The following EPHA6 variants were observed in gnomAD, a reference collection of about 807,000 sequenced individuals.
The protein encoded by EPHA6 is EPH receptor A6.
A neutral mutation model predicts 112.0 loss-of-function variants in EPHA6; 50 were observed. The ratio of observed to expected loss-of-function variants is 0.45; its 90% CI spans 0.36 to 0.56. The LOEUF (loss-of-function observed/expected upper bound fraction) is 0.56. EPHA6 is among the 20% of genes least tolerant of loss of function. The pLI, the probability that EPHA6 is intolerant of heterozygous loss-of-function variation, is 0.00. For missense variants in EPHA6, 1,280 were observed against 1,417.4 expected (o/e 0.90, Z 1.56); for synonymous variants, 529 against 490.7 (o/e 1.08, Z -1.03).
intron 5 of EPHA6, among the ~76,000 whole-genome samples, chr3:97,402,579 T>A (rs1229342055): frequency 6.6e-6 from 1 of 152,136 alleles, no homozygotes. Flanking sequence ...GTCTTGTTTT[T>A]TTAAGCGGTC....
At chr3:96,903,961 G>A (rs901950957) in intron 2 of EPHA6, among the ~76,000 whole-genome samples, 5 of 152,126 alleles carry the variant, frequency 3.3e-5, no homozygotes, top group South Asian at 2.1e-4. Context: ...GAAACAACAG[G>A]TGCTGGAGAG....
At position 97,365,668 on chromosome 3, in the gene EPHA6, G is replaced by T. The variant is rs563561965; in HGVS notation, c.1607-39482G>T. ...CTCCTAAAGTGCTGGGATTACAGGC[G>T]TCAGCCACCGTGCCCAGCCAGGACA... is the stretch of plus-strand genomic sequence containing the variant. On this transcript the variant is annotated intron_variant, in intron 5 of 17. Transcript: ENST00000389672. 4.6e-5 allele frequency among the ~76,000 whole-genome samples: 7 copies of T among 152,206 alleles called. No homozygotes were observed. In the East Asian group the frequency reaches 1.2e-3, roughly 25 times the overall value.
intron 3 of EPHA6, among the ~76,000 whole-genome samples, chr3:97,120,920 T>C (rs187747086): frequency 4.6e-5 from 7 of 152,146 alleles, no homozygotes; most frequent in African/African-American, 1.4e-4. Context: ...AAACATTTAA[T>C]ATATGAAAAA....
In EPHA6 at chr3:97,187,656, A is replaced by C. The variant is rs185740224; in HGVS notation, c.1115-38608A>C. On this transcript the variant is annotated intron_variant, in intron 3 of 17. Transcript: ENST00000389672. ...AGAAAGAAAAAGAGAGAGAGAAAGA[A>C]AGAAAGGAAAGAAAGAAAGAGAAAG... is the stretch of plus-strand genomic sequence containing the variant. Among the ~76,000 whole-genome samples the C allele has an allele frequency of 2.4e-4, 33 of 138,692 alleles. 1 individual carries two copies. Among genetic ancestry groups the C allele is most frequent in the African/African-American group, 8.8e-4 (32 of 36,222 alleles). The allele number at this position is 138,692 out of a possible 152,430, so 91.0% of individuals were successfully genotyped here.
At chr3:97,560,996 A>G (rs541588167) in intron 11 of EPHA6, among the ~76,000 whole-genome samples, 2 of 152,100 alleles carry the variant, frequency 1.3e-5, no homozygotes, top group South Asian at 2.1e-4. Context: ...TACTATTATA[A>G]CAGTTTTGGG....
At chr3:97,342,841 C>T (rs772929533) in intron 5 of EPHA6, among the ~76,000 whole-genome samples, 2 of 152,150 alleles carry the variant, frequency 1.3e-5, no homozygotes, top group Non-Finnish European at 2.9e-5. Flanking sequence ...GACATACAGC[C>T]TCCAGAACTG....
At chr3:96,927,847 A>G (rs781610838) in intron 2 of EPHA6, among the ~76,000 whole-genome samples, 1 of 152,188 alleles carries the variant, frequency 6.6e-6, no homozygotes, top group Non-Finnish European at 1.5e-5. Context: ...CTATAAAGAT[A>G]CTACCTGAGA....
chr3:97,230,034 A>C (rs1426663442), intron 4 of EPHA6, among the ~76,000 whole-genome samples: 1 of 152,174 alleles, frequency 6.6e-6, no homozygotes, highest in Non-Finnish European at 1.5e-5. Flanking sequence ...ATAGTATTAT[A>C]TATAGTATGG....
chr3:97,408,918 C>G (rs1395149327), intron 6 of EPHA6, among the ~76,000 whole-genome samples: 1 of 152,082 alleles, frequency 6.6e-6, no homozygotes, highest in East Asian at 1.9e-4. Flanking sequence ...ATTTGTGGAT[C>G]TGGACTTCCC....
At chr3:97,510,879 G>T (rs2092351752) in intron 10 of EPHA6, among the ~76,000 whole-genome samples, 1 of 152,232 alleles carries the variant, frequency 6.6e-6, no homozygotes, top group South Asian at 2.1e-4. Context: ...TTTCAGAGAT[G>T]CCCTGCCCAG....
At chr3:97,496,289 A>C (rs1170266382) in intron 10 of EPHA6, among the ~76,000 whole-genome samples, 1 of 152,120 alleles carries the variant, frequency 6.6e-6, no homozygotes, top group African/African-American at 2.4e-5. Flanking sequence ...AGGAAAAAAA[A>C]GTCTGTCTTT....
intron 10 of EPHA6, among the ~76,000 whole-genome samples, chr3:97,519,824 G>A (rs1257355287): frequency 6.6e-6 from 1 of 151,258 alleles, no homozygotes; most frequent in Non-Finnish European, 1.5e-5. Context: ...TTTATATGTT[G>A]ATTTTGTATC....
chr3:97,144,842 T>C (rs1288972066), intron 3 of EPHA6, among the ~76,000 whole-genome samples: 1 of 151,466 alleles, frequency 6.6e-6, no homozygotes, highest in Non-Finnish European at 1.5e-5. Context: ...TTTTCTTCTG[T>C]GGTTCTCATC....
At chr3:97,515,111 G>A (rs2092427332) in intron 10 of EPHA6, among the ~76,000 whole-genome samples, 1 of 152,186 alleles carries the variant, frequency 6.6e-6, no homozygotes, top group Non-Finnish European at 1.5e-5. Flanking sequence ...ACATTAACCT[G>A]AGATAGTATG....
At chr3:97,153,340 A>C (rs2108380605) in intron 3 of EPHA6, among the ~76,000 whole-genome samples, 1 of 152,248 alleles carries the variant, frequency 6.6e-6, no homozygotes, top group East Asian at 1.9e-4. Flanking sequence ...ATAATAGTTT[A>C]AACAAAAAAA....
At chr3:97,661,610 A>G (rs984089636) in intron 14 of EPHA6, among the ~76,000 whole-genome samples, 2 of 152,154 alleles carry the variant, frequency 1.3e-5, no homozygotes, top group African/African-American at 4.8e-5. Flanking sequence ...TTGAAGTGAA[A>G]CCAGTTTCTA....
intron 14 of EPHA6, among the ~76,000 whole-genome samples, chr3:97,718,214 T>C (rs907052128): frequency 6.6e-6 from 1 of 152,236 alleles, no homozygotes; most frequent in South Asian, 2.1e-4. Flanking sequence ...TGAGGCACTT[T>C]AGTCACAAAC....
intron 13 of EPHA6, among the ~76,000 whole-genome samples, chr3:97,628,645 T>A (rs2093877962): frequency 6.6e-6 from 1 of 152,000 alleles, no homozygotes; most frequent in South Asian, 2.1e-4. Flanking sequence ...ATGTGAGACA[T>A]TTGAAGAGTT....
intron 2 of EPHA6, among the ~76,000 whole-genome samples, chr3:96,932,882 T>G (rs1295377085): frequency 6.6e-6 from 1 of 152,220 alleles, no homozygotes; most frequent in African/African-American, 2.4e-5. Flanking sequence ...AAACGATTTA[T>G]CTGGTTAACA....
Sources: allele counts gnomAD v4.1 joint callset (sites outside exome capture counted in the v4.1 genomes callset), GRCh38; gene constraint gnomAD v4.1.1; transcripts MANE v1.5; gene names NCBI Gene and HGNC (gene_info 2026-07-23, HGNC 2026-07-21).